Variants in NSMAF observed in about 807,000 individuals in gnomAD.
The protein encoded by NSMAF is neutral sphingomyelinase activation associated factor, also known as protein FAN.
A neutral mutation model predicts 134.9 loss-of-function variants in NSMAF; 90 were observed. That is an observed-to-expected ratio of 0.67 (90% CI 0.56 to 0.79). The LOEUF (loss-of-function observed/expected upper bound fraction) is 0.79, where lower values mean the gene tolerates loss of function less well. NSMAF is among the 30% of genes least tolerant of loss of function. The pLI is 0.00. For missense variants in NSMAF, 1,010 were observed against 1,119.0 expected, an observed-to-expected ratio of 0.90 and a Z score of 1.39; for synonymous variants, 358 against 389.6, an observed-to-expected ratio of 0.92 and a Z score of 0.96.
chr8:58,626,091 C>CTTTTT (rs1225264071), intron 6 of NSMAF, among the ~76,000 whole-genome samples: 30 of 99,386 alleles, frequency 3.0e-4, no homozygotes, highest in Non-Finnish European at 3.8e-4. Flanking sequence ...TTATATAATT[C>CTTTTT]TTTTTTTTTT....
chr8:58,594,835 G>A (rs972634898), intron 22 of NSMAF: 2 of 155,370 alleles, frequency 1.3e-5, no homozygotes, highest in Admixed American at 6.4e-5. Context: ...GTTTCTCTTC[G>A]GGAGGCTGGA....
chr8:58,613,676 T>C (rs1312329468), intron 9 of NSMAF, among the ~76,000 whole-genome samples: 2 of 152,196 alleles, frequency 1.3e-5, no homozygotes, highest in Non-Finnish European at 2.9e-5. Context: ...TAATACCTTA[T>C]TTTTACTCTA....
At chr8:58,585,816 G>C in intron 29 of NSMAF, 55 bp from the exon 30 acceptor site, 1 of 1,584,640 alleles carries the variant, frequency 6.3e-7, no homozygotes, top group Non-Finnish European at 8.7e-7. Context: ...AGGATATGTT[G>C]AACTGGCCAA....
chr8:58,587,893 C>T (rs1805927227), intron 26 of NSMAF, among the ~76,000 whole-genome samples, 192 bp from the exon 27 acceptor site: 1 of 152,184 alleles, frequency 6.6e-6, no homozygotes, highest in Non-Finnish European at 1.5e-5. Context: ...GCTTACTGTC[C>T]CTTGCTTGTA....
chr8:58,650,263 T>G (rs1807553795), intron 1 of NSMAF, among the ~76,000 whole-genome samples: 1 of 152,228 alleles, frequency 6.6e-6, no homozygotes, highest in Non-Finnish European at 1.5e-5. Context: ...CAAGGGCAAC[T>G]TTGGAAGTTT....
rs557262551 is a variant in NSMAF at position 58,603,335 on chromosome 8, C to T, written c.920G>A (p.Arg307His). 3.3e-5 allele frequency: 54 copies of T among 1,614,138 alleles called. No homozygotes were observed. The highest frequency in any genetic ancestry group is 8.3e-5 in the Admixed American group (5 of 60,022). Residue 307 changes from arginine to histidine, a missense_variant, in exon 13 of 31, where the codon CGT (arginine) becomes CAT (histidine). Coordinates refer to ENST00000038176, the MANE Select transcript of NSMAF (RefSeq NM_003580.4). The stretch of plus-strand genomic sequence containing the variant: ...GTACTGATAGTTGGAAAGGTGTCCA[C>T]GCTGCCACTGCAGCATGTAGCTCTC... Reference protein sequence around the residue: ...TAESYMLQWQRGHLSNYQYLL... With the variant: ...TAESYMLQWQHGHLSNYQYLL...
At chr8:58,594,867 C>T (rs1406242933) in intron 22 of NSMAF, 2 of 155,816 alleles carry the variant, frequency 1.3e-5, no homozygotes, top group Non-Finnish European at 2.9e-5. Context: ...AGCCATCCAT[C>T]TAATGCACAG....
intron 1 of NSMAF, among the ~76,000 whole-genome samples, chr8:58,650,567 G>A (rs1415824640): frequency 6.6e-6 from 1 of 152,054 alleles, no homozygotes; most frequent in African/African-American, 2.4e-5. Context: ...CAAACTTCCT[G>A]GGTCAATATG....
In NSMAF at chr8:58,603,373, C is replaced by T. The variant is rs377142221; in HGVS notation, c.882G>A (p.Ala294=). 2.7e-5 allele frequency: 43 copies of T among 1,613,732 alleles called. No individual in the cohort carries two copies. Among genetic ancestry groups the T allele is most frequent in the African/African-American group, 1.6e-4 (12 of 75,020 alleles). The change falls in exon 13 of 31, where the codon GCG becomes GCA. Residue 294 remains alanine (A), a synonymous_variant. Coordinates refer to ENST00000038176, the MANE Select transcript of NSMAF (RefSeq NM_003580.4). The stretch of plus-strand genomic sequence containing the variant: ...GCATGTAGCTCTCAGCAGTGTGCTC[C>T]GCCACATGGTGCTCTGGGGGAAGAG... ...YIATYLEHHV[A]EHTAESYMLQ...
chr8:58,597,268 G>A (rs766202857), intron 21 of NSMAF, 119 bp downstream of exon 21: 4 of 894,784 alleles, frequency 4.5e-6, no homozygotes, highest in Non-Finnish European at 7.0e-6. Context: ...CAATAAGGCA[G>A]GAGAACACAA....
At chr8:58,599,578 T>C in intron 18 of NSMAF, 172 bp downstream of exon 18, 1 of 882,192 alleles carries the variant, frequency 1.1e-6, no homozygotes, top group Non-Finnish European at 1.7e-6. Flanking sequence ...TATATATTAA[T>C]GTTTTTACAT....
At position 58,590,863 on chromosome 8, in the gene NSMAF, T is replaced by A. The variant is rs1217036415; in HGVS notation, c.2019+4A>T. 2 of 1,556,298 alleles carry A rather than the reference T, an allele frequency of 1.3e-6. No individual in the cohort carries two copies. The highest frequency in any genetic ancestry group is 2.2e-5 in the South Asian group (2 of 89,608). On this transcript the variant is annotated splice_donor_region_variant and intron_variant, in intron 24 of 30. Transcript: ENST00000038176. Reference sequence around the variant, plus strand: ...CTATCATAATACTATTAAAATGAACTCACCATATTTGAAAATGATATACTT... The same window carrying A: ...CTATCATAATACTATTAAAATGAACACACCATATTTGAAAATGATATACTT...
intron 30 of NSMAF, among the ~76,000 whole-genome samples, chr8:58,584,781 C>T (rs1585721004): frequency 6.6e-6 from 1 of 152,240 alleles, no homozygotes; most frequent in East Asian, 1.9e-4. Flanking sequence ...GGACCACAGG[C>T]GTGTGTCACC....
chr8:58,637,236 G>C, intron 2 of NSMAF: 1 of 433,876 alleles, frequency 2.3e-6, no homozygotes, highest in Non-Finnish European at 4.7e-6. Context: ...TTCCTTACTT[G>C]CCAGTATGAC....
At chr8:58,631,243 G>A in intron 6 of NSMAF, 1 of 307,404 alleles carries the variant, frequency 3.3e-6, no homozygotes, top group East Asian at 7.0e-5. Flanking sequence ...TGCATATTCT[G>A]ATTTTAATTT....
At chr8:58,643,950 GAAAGTCATTT>G in intron 1 of NSMAF, among the ~76,000 whole-genome samples, 1 of 152,188 alleles carries the variant, frequency 6.6e-6, no homozygotes, top group Non-Finnish European at 1.5e-5. Context: ...TTTTAAAGTT[GAAAGTCATTT>G]AAACTTTTAA....
At chr8:58,627,118 C>T (rs1266901886) in intron 6 of NSMAF, among the ~76,000 whole-genome samples, 2 of 152,104 alleles carry the variant, frequency 1.3e-5, no homozygotes, top group Admixed American at 6.5e-5. Context: ...AGTCCTTTGC[C>T]GGATGTGTGG....
intron 1 of NSMAF, among the ~76,000 whole-genome samples, chr8:58,658,389 A>G (rs1298931226): frequency 5.9e-5 from 9 of 152,220 alleles, no homozygotes. Flanking sequence ...TTTTCTGTGT[A>G]TCGTATCTTC....
chr8:58,614,923 G>T (rs1806623112), intron 9 of NSMAF, among the ~76,000 whole-genome samples: 1 of 151,896 alleles, frequency 6.6e-6, no homozygotes, highest in African/African-American at 2.4e-5. Context: ...TGCATAAAAA[G>T]CAAGACTCAA....
Sources: allele counts gnomAD v4.1 joint callset (sites outside exome capture counted in the v4.1 genomes callset), GRCh38; gene constraint gnomAD v4.1.1; transcripts MANE v1.5; gene names NCBI Gene and HGNC (gene_info 2026-07-23, HGNC 2026-07-21).